The following CA10 variants were observed in gnomAD, a reference collection of about 807,000 sequenced individuals.
CA10 encodes the protein carbonic anhydrase 10 (inactive).
Under a neutral mutation model 44.2 loss-of-function variants are expected in CA10, and 14 were observed. That is an observed-to-expected ratio of 0.32 (90% CI 0.21 to 0.50). CA10 has a LOEUF of 0.50. Among genes scored for constraint, CA10 ranks in the 20% least tolerant of loss-of-function variants. CA10 has a pLI of 0.99. For missense variants in CA10, 350 were observed against 409.7 expected (o/e 0.85, Z 1.26); for synonymous variants, 159 against 141.6 (o/e 1.12, Z -0.87).
At chr17:52,147,105 T>C (rs2970053) in intron 1 of CA10, among the ~76,000 whole-genome samples, 35,489 of 152,108 alleles carry the variant, frequency 0.23, 4,672 homozygotes, top group East Asian at 0.4. Context: ...CATGGAGAAA[T>C]ATTTAAGATA....
At chr17:52,114,820 G>C (rs957138053) in intron 1 of CA10, among the ~76,000 whole-genome samples, 5 of 152,006 alleles carry the variant, frequency 3.3e-5, no homozygotes, top group African/African-American at 7.3e-5. Context: ...TCAGGTCCTG[G>C]CTCCAGACTA....
At chr17:51,961,859 C>T (rs574972322) in intron 2 of CA10, among the ~76,000 whole-genome samples, 20 of 152,322 alleles carry the variant, frequency 1.3e-4, no homozygotes, top group East Asian at 3.9e-4. Flanking sequence ...AGCAGATCTC[C>T]GGGCATTCAA....
intron 1 of CA10, among the ~76,000 whole-genome samples, chr17:52,086,956 G>A (rs1370112195): frequency 6.6e-6 from 1 of 152,082 alleles, no homozygotes; most frequent in African/African-American, 2.4e-5. Context: ...ATTTTGTCTT[G>A]TGTGTTTGTT....
intron 4 of CA10, among the ~76,000 whole-genome samples, chr17:51,713,616 G>C (rs1167517514): frequency 6.6e-6 from 1 of 152,160 alleles, no homozygotes; most frequent in African/African-American, 2.4e-5. Context: ...GTGGGTACAG[G>C]CATCTGTTGT....
At chr17:51,999,292 G>GA (rs1282421739) in intron 2 of CA10, among the ~76,000 whole-genome samples, 1 of 152,000 alleles carries the variant, frequency 6.6e-6, no homozygotes, top group Non-Finnish European at 1.5e-5. Flanking sequence ...AAGAGTTAGG[G>GA]AAAACAGTTC....
At chr17:52,095,037 T>C (rs1467194977) in intron 1 of CA10, among the ~76,000 whole-genome samples, 2 of 152,168 alleles carry the variant, frequency 1.3e-5, no homozygotes, top group East Asian at 3.9e-4. Flanking sequence ...ACATCAGCTT[T>C]ATTTATCATA....
At chr17:51,641,786 CT>C (rs5820865) in intron 6 of CA10, among the ~76,000 whole-genome samples, 64,323 of 150,526 alleles carry the variant, frequency 0.43, 14,327 homozygotes, top group Non-Finnish European at 0.48. Context: ...TCAGTCTGAA[CT>C]TTTTTTTTTC....
intron 2 of CA10, among the ~76,000 whole-genome samples, chr17:52,059,085 C>T (rs1045098962): frequency 1.8e-4 from 27 of 152,080 alleles, no homozygotes; most frequent in Admixed American, 1.7e-3. Context: ...AGAATATATC[C>T]ATTAAATTCT....
At chr17:51,779,675 A>T (rs1598041226) in intron 3 of CA10, among the ~76,000 whole-genome samples, 1 of 152,172 alleles carries the variant, frequency 6.6e-6, no homozygotes. Context: ...CTATGTCGGG[A>T]TTCCCAAGCT....
intron 5 of CA10, among the ~76,000 whole-genome samples, chr17:51,653,016 CA>C (rs1913637358): frequency 6.6e-6 from 1 of 150,438 alleles, no homozygotes. Context: ...TTTTTTTAAA[CA>C]AATTAGAATG....
chr17:51,849,522 C>T (rs1287666809), intron 3 of CA10, among the ~76,000 whole-genome samples: 1 of 151,764 alleles, frequency 6.6e-6, no homozygotes, highest in Non-Finnish European at 1.5e-5. Context: ...GAACTTGAAA[C>T]CTGGCTTCAC....
In CA10 at chr17:51,902,086, C is replaced by T. The variant is rs146343210; in HGVS notation, c.279+28904G>A. Reference sequence around the variant, plus strand: ...TCTGTCTTATTTTTCTCTTATAAGCCCTTGTTACAAGGGGAAAATACAAGA... The same window carrying T: ...TCTGTCTTATTTTTCTCTTATAAGCTCTTGTTACAAGGGGAAAATACAAGA... On this transcript the variant is annotated intron_variant, in intron 3 of 8. Transcript: ENST00000451037. 7.4e-3 allele frequency among the ~76,000 whole-genome samples: 1,124 copies of T among 151,948 alleles called. 6 individuals are homozygous for T. The highest frequency in any genetic ancestry group is 0.061 in the Middle Eastern group (18 of 294).
chr17:52,153,521 T>C (rs1989745203), intron 1 of CA10, among the ~76,000 whole-genome samples: 1 of 152,146 alleles, frequency 6.6e-6, no homozygotes, highest in South Asian at 2.1e-4. Context: ...CAACTCCATA[T>C]TGGACTCATA....
chr17:52,130,536 G>T (rs1016540482), intron 1 of CA10, among the ~76,000 whole-genome samples: 4 of 152,102 alleles, frequency 2.6e-5, no homozygotes, highest in Non-Finnish European at 5.9e-5. Context: ...TACATTAATT[G>T]AAATAAGTCA....
intron 3 of CA10, among the ~76,000 whole-genome samples, chr17:51,840,747 T>C (rs1284529802): frequency 1.3e-5 from 2 of 152,106 alleles, no homozygotes; most frequent in African/African-American, 4.8e-5. Flanking sequence ...GGAAACTGAC[T>C]ATGAGCGGAA....
At chr17:51,766,439 T>G (rs73354935) in intron 3 of CA10, among the ~76,000 whole-genome samples, 2,094 of 151,918 alleles carry the variant, frequency 0.014, 52 homozygotes, top group African/African-American at 0.048. Context: ...TCCAGTGGAG[T>G]GGACAGGCAA....
At chr17:51,835,652 A>G (rs923988657) in intron 3 of CA10, among the ~76,000 whole-genome samples, 8 of 152,208 alleles carry the variant, frequency 5.3e-5, no homozygotes, top group African/African-American at 1.9e-4. Context: ...GAGCAATGGG[A>G]GGGGGTTTAA....
chr17:52,026,647 A>C (rs1228593853), intron 2 of CA10, among the ~76,000 whole-genome samples: 1 of 152,142 alleles, frequency 6.6e-6, no homozygotes, highest in Non-Finnish European at 1.5e-5. Context: ...ATCCTTCTTC[A>C]TGTGGTAGCA....
At chr17:51,710,963 C>T (rs930323625) in intron 4 of CA10, among the ~76,000 whole-genome samples, 6 of 127,200 alleles carry the variant, frequency 4.7e-5, no homozygotes, top group Non-Finnish European at 9.4e-5. Flanking sequence ...GACAATAGTC[C>T]AAGAGAGGAA....
Sources: allele counts gnomAD v4.1 joint callset (sites outside exome capture counted in the v4.1 genomes callset), GRCh38; gene constraint gnomAD v4.1.1; transcripts MANE v1.5; gene names NCBI Gene and HGNC (gene_info 2026-07-23, HGNC 2026-07-21).